PCDHA8: variants seen among roughly 807,000 people sequenced by gnomAD.
The protein encoded by PCDHA8 is protocadherin alpha-8.
PCDHA8 carries 53 observed loss-of-function variants against 61.8 expected under a neutral mutation model. That is an observed-to-expected ratio of 0.86 (90% CI 0.69 to 1.08). The LOEUF (loss-of-function observed/expected upper bound fraction) is 1.08. Among genes scored for constraint, PCDHA8 ranks in the 50% least tolerant of loss-of-function variants. The pLI is 0.00. For synonymous variants in PCDHA8, 618 were observed against 556.6 expected, an observed-to-expected ratio of 1.11 and a Z score of -1.55; for missense variants, 1,293 against 1,245.0, an observed-to-expected ratio of 1.04 and a Z score of -0.58.
rs764735564 is a variant in PCDHA8, at chr5:140,871,304, G to A, written c.2394+27589G>A. On this transcript the variant is annotated intron_variant, in intron 1 of 3. Transcript: ENST00000531613. ...CCCACTGAGGGCGCGTGCGCGCCGG[G>A]GAAGCCCACGCTGGTGTGCTCCCGC... 4.3e-6 allele frequency: 7 copies of A among 1,613,850 alleles called. No individual in the cohort carries two copies. In the East Asian group the frequency reaches 1.3e-4, roughly 31 times the overall value.
At position 140,957,153 on chromosome 5, in the gene PCDHA8, A is replaced by G. The variant is rs988889035; in HGVS notation, c.2395-21796A>G. Among the ~76,000 whole-genome samples, 121 of 152,268 alleles carry G rather than the reference A, an allele frequency of 7.9e-4. 1 individual carries two copies. Among genetic ancestry groups the G allele is most frequent in the East Asian group, 3.9e-4 (2 of 5,186 alleles). On this transcript the variant is annotated intron_variant, in intron 1 of 3. Transcript: ENST00000531613. Reference sequence around the variant, plus strand: ...ACACTATGAACTAAAAATTTTGGAGACAAATCTAAGTATATAAATTGGTTT... The same window carrying G: ...ACACTATGAACTAAAAATTTTGGAGGCAAATCTAAGTATATAAATTGGTTT...
At chr5:140,848,454 G>A in intron 1 of PCDHA8, 1 of 1,522,350 alleles carries the variant, frequency 6.6e-7, no homozygotes, top group South Asian at 1.2e-5. Context: ...CTTCTAATTT[G>A]GAGGCAATTT....
intron 1 of PCDHA8, among the ~76,000 whole-genome samples, chr5:140,919,795 A>T (rs1554199259): frequency 6.6e-6 from 1 of 152,070 alleles, no homozygotes; most frequent in Non-Finnish European, 1.5e-5. Flanking sequence ...CTTGTGGTGG[A>T]TTGAATTGTG....
intron 1 of PCDHA8, chr5:140,875,959 G>C (rs1448292250): frequency 5.0e-6 from 8 of 1,614,070 alleles, no homozygotes; most frequent in South Asian, 2.2e-5. Context: ...TGCGGATATC[G>C]GCGTAAACTC....
At chr5:140,854,020 G>A (rs1303462522) in intron 1 of PCDHA8, 3 of 327,902 alleles carry the variant, frequency 9.1e-6, no homozygotes, top group East Asian at 1.7e-4. Context: ...AAATTAGCCG[G>A]GCATGGTGGC....
chr5:140,904,098 A>G (rs184234910), intron 1 of PCDHA8, among the ~76,000 whole-genome samples: 35 of 152,296 alleles, frequency 2.3e-4, no homozygotes, highest in African/African-American at 7.9e-4. Context: ...TAACTACTTT[A>G]GTGGTCATTG....
rs1195729562 is a variant in PCDHA8, at chr5:140,897,783, G to A, written c.2394+54068G>A. 1.3e-3 allele frequency among the ~76,000 whole-genome samples: 204 copies of A among 152,264 alleles called. 1 individual carries two copies. The highest frequency in any genetic ancestry group is 0.011 in the South Asian group (52 of 4,820). ...CGCCACACTGACTTCCACAATGGTTGAACTAGTTTAGAGTCCCACCAACAG... is the reference window on the plus strand; with the variant it reads ...CGCCACACTGACTTCCACAATGGTTAAACTAGTTTAGAGTCCCACCAACAG... On this transcript the variant is annotated intron_variant, in intron 1 of 3. Transcript: ENST00000531613.
At chr5:140,888,544 C>T (rs1295573540) in intron 1 of PCDHA8, among the ~76,000 whole-genome samples, 1 of 152,140 alleles carries the variant, frequency 6.6e-6, no homozygotes, top group Non-Finnish European at 1.5e-5. Flanking sequence ...TGCTCAGTAC[C>T]AATTTATTCC....
chr5:140,979,359 T>C (rs1554240585), intron 2 of PCDHA8, among the ~76,000 whole-genome samples: 1 of 152,206 alleles, frequency 6.6e-6, no homozygotes, highest in Non-Finnish European at 1.5e-5. Context: ...TACTCATGCT[T>C]TGAGACTTGG....
chr5:140,995,893 A>T (rs1038677586), intron 3 of PCDHA8, among the ~76,000 whole-genome samples: 1 of 152,182 alleles, frequency 6.6e-6, no homozygotes, highest in Non-Finnish European at 1.5e-5. Flanking sequence ...AGATTTATCA[A>T]TGTATAAAAG....
At chr5:140,885,045 G>T (rs528565062) in intron 1 of PCDHA8, among the ~76,000 whole-genome samples, 3 of 152,238 alleles carry the variant, frequency 2.0e-5, no homozygotes, top group Admixed American at 1.3e-4. Context: ...TTAGTTTAAT[G>T]TATACATATA....
chr5:140,950,738 T>C (rs900517873), intron 1 of PCDHA8, among the ~76,000 whole-genome samples: 5 of 152,150 alleles, frequency 3.3e-5, no homozygotes, highest in African/African-American at 7.2e-5. Flanking sequence ...TTAATCCTAA[T>C]TTCTCTCTAT....
chr5:140,863,415 C>T (rs782613716), intron 1 of PCDHA8: 2 of 737,502 alleles, frequency 2.7e-6, no homozygotes, highest in Admixed American at 1.9e-5. Flanking sequence ...CGCTGGTGTA[C>T]CGCAGCGTAG....
intron 1 of PCDHA8, chr5:140,877,865 T>C (rs1554170196): frequency 1.3e-6 from 2 of 1,496,610 alleles, no homozygotes; most frequent in South Asian, 2.8e-5. Flanking sequence ...TATTTAGATA[T>C]ATTTGTTTCC....
chr5:140,870,718 G>C (rs2052330987), intron 1 of PCDHA8: 2 of 1,613,062 alleles, frequency 1.2e-6, no homozygotes. Context: ...CGCGCGCGAT[G>C]CGGGCGTGCC....
chr5:140,981,026 A>T (rs1300851844), intron 2 of PCDHA8, among the ~76,000 whole-genome samples: 3 of 152,088 alleles, frequency 2.0e-5, no homozygotes, highest in Admixed American at 6.5e-5. Flanking sequence ...GGCTGTTAAT[A>T]TTTGGGGAAA....
intron 1 of PCDHA8, among the ~76,000 whole-genome samples, chr5:140,920,816 C>A (rs1170521844): frequency 6.6e-6 from 1 of 150,790 alleles, no homozygotes; most frequent in East Asian, 1.9e-4. Flanking sequence ...TGCACTCCAG[C>A]CTGGCGACGG....
At chr5:140,955,654 AT>A (rs1264049969) in intron 1 of PCDHA8, among the ~76,000 whole-genome samples, 1 of 152,208 alleles carries the variant, frequency 6.6e-6, no homozygotes, top group Non-Finnish European at 1.5e-5. Flanking sequence ...TAATACACAT[AT>A]GAATTTTAAC....
In PCDHA8 at chr5:140,985,229, G is replaced by T. The variant is rs903728570; in HGVS notation, c.2542+2666G>T. ...TGGGATTACAGGCGTGAGCCACCGC[G>T]CCTGGCCTAATCTTCTTACTCTTTT... On this transcript the variant is annotated intron_variant, in intron 3 of 3. Transcript: ENST00000531613. 3.9e-5 allele frequency among the ~76,000 whole-genome samples: 6 copies of T among 152,216 alleles called. No homozygotes were observed. The South Asian group carries it at 6.2e-4, about 16-fold the overall frequency.
Sources: gnomAD v4.1 joint callset for allele counts (sites outside exome capture counted in the v4.1 genomes callset) on GRCh38, gnomAD v4.1.1 for gene constraint, MANE v1.5 for transcripts, NCBI Gene and HGNC (gene_info 2026-07-23, HGNC 2026-07-21) for gene names.